Variants in AMBN observed in about 807,000 individuals in gnomAD.
AMBN encodes ameloblastin.
A neutral mutation model predicts 48.0 loss-of-function variants in AMBN; 54 were observed. The observed-to-expected ratio is 1.12, with a 90% CI of 0.90 to 1.41. AMBN has a LOEUF of 1.41. Among genes scored for constraint, AMBN ranks in the 40% most tolerant of loss-of-function variants. The pLI is 0.00. For missense variants in AMBN, 571 were observed against 547.3 expected (o/e 1.04, Z -0.43); for synonymous variants, 186 against 190.0 (o/e 0.98, Z 0.17).
intron 4 of AMBN, among the ~76,000 whole-genome samples, 180 bp from the exon 5 acceptor site, chr4:70,599,356 G>A (rs565182189): frequency 2.0e-5 from 3 of 151,856 alleles, no homozygotes; most frequent in East Asian, 1.9e-4. Context: ...CATGAGAATC[G>A]CTTGAACCCG....
chr4:70,606,092 T>C, intron 12 of AMBN, 93 bp from the exon 13 acceptor site: 1 of 1,437,306 alleles, frequency 7.0e-7, no homozygotes, highest in Non-Finnish European at 9.4e-7. Flanking sequence ...ACCAGTTTTT[T>C]AGAGATCCTT....
intron 6 of AMBN, chr4:70,602,053 T>C: frequency 2.5e-6 from 1 of 408,160 alleles, no homozygotes; most frequent in South Asian, 1.8e-5. Flanking sequence ...ATTATCTCTC[T>C]GACAAAGAGG....
chr4:70,606,726 C>A lies in AMBN; in HGVS notation c.1340C>A (p.Pro447His). The change falls in exon 13 of 13, where the codon CCC (proline) becomes CAC (histidine). Residue 447 changes from proline to histidine, a missense_variant. Coordinates refer to ENST00000322937, the MANE Select transcript of AMBN (RefSeq NM_016519.6). ...MMHDAWHFQE[P>H] ...CATGACGCATGGCATTTCCAAGAGC[C>A]CTGACAGCTCTAAGATATTAGCTAC... 1 of 1,609,550 alleles carries A rather than the reference C, an allele frequency of 6.2e-7. No individual in the cohort carries two copies. The highest frequency in any genetic ancestry group is 8.5e-7 in the Non-Finnish European group (1 of 1,177,824).
In AMBN at chr4:70,606,365, C is replaced by G. The variant is rs1470897179; in HGVS notation, c.979C>G (p.Pro327Ala). ...CGAAGAAGGAGGTGCACAAGGCTCCCCTATGCCGGAGGCCAACCCAGACAA... is the reference window on the plus strand; with the variant it reads ...CGAAGAAGGAGGTGCACAAGGCTCCGCTATGCCGGAGGCCAACCCAGACAA... ...ENEEGGAQGS[P>A]MPEANPDNLE... Residue 327 changes from proline (P) to alanine (A), a missense_variant, in exon 13 of 13, where the codon CCT becomes GCT. Coordinates refer to ENST00000322937, the MANE Select transcript of AMBN (RefSeq NM_016519.6). 1.2e-6 allele frequency: 2 copies of G among 1,614,034 alleles called. No homozygotes were observed. The highest frequency in any genetic ancestry group is 3.3e-4 in the Middle Eastern group (2 of 6,062).
intron 6 of AMBN, chr4:70,602,024 A>G (rs963446348): frequency 2.3e-6 from 1 of 439,344 alleles, no homozygotes; most frequent in Admixed American, 2.8e-5. Context: ...CCTCAGCATA[A>G]CAAGTAGGAT....
intron 2 of AMBN, among the ~76,000 whole-genome samples, chr4:70,595,579 G>A (rs1461257870): frequency 6.6e-6 from 1 of 151,910 alleles, no homozygotes; most frequent in East Asian, 1.9e-4. Context: ...GGTGGTGGGT[G>A]GAAAAAGTAG....
intron 7 of AMBN, 64 bp from the exon 8 acceptor site, chr4:70,602,734 T>G (rs1737550929): frequency 6.7e-7 from 1 of 1,481,836 alleles, no homozygotes; most frequent in East Asian, 2.4e-5. Context: ...TTTTTTATTT[T>G]TATTTGTATT....
intron 5 of AMBN, among the ~76,000 whole-genome samples, chr4:70,599,912 C>T (rs184092253): frequency 6.7e-4 from 102 of 152,282 alleles, no homozygotes; most frequent in Admixed American, 2.7e-3. Flanking sequence ...AAACAATCCT[C>T]GAAAATCAAA....
chr4:70,604,449 T>C (rs79024248), intron 12 of AMBN, among the ~76,000 whole-genome samples: 3 of 152,194 alleles, frequency 2.0e-5, no homozygotes, highest in African/African-American at 7.2e-5. Context: ...AGTTTAAGAT[T>C]TGAGATCAAT....
chr4:70,592,280 C>T lies in AMBN; in HGVS notation c.-79C>T. 1 of 1,444,320 alleles carries T rather than the reference C, an allele frequency of 6.9e-7. No homozygotes were observed. Among genetic ancestry groups the T allele is most frequent in the Non-Finnish European group, 9.7e-7 (1 of 1,028,332 alleles). The allele number at this position is 1,444,320 out of a possible 1,614,324, so 89.5% of individuals were successfully genotyped here. ...TGAGAAGTACAGAGCAAGTCCCACG[C>T]ACAGTCCTGAAAAAAATTTTAATCT... On this transcript the variant is annotated 5_prime_UTR_variant, in exon 1 of 13. Coordinates refer to ENST00000322937, the MANE Select transcript of AMBN (RefSeq NM_016519.6).
intron 8 of AMBN, 32 bp downstream of exon 8, chr4:70,602,868 T>C: frequency 6.6e-7 from 1 of 1,509,758 alleles, no homozygotes; most frequent in Non-Finnish European, 8.9e-7. Flanking sequence ...ACACTTCTAT[T>C]TTTTATTTTT....
In AMBN at chr4:70,603,263, T is replaced by C; in HGVS notation, c.652T>C (p.Phe218Leu). 6.2e-7 allele frequency: 1 copy of C among 1,613,396 alleles called. No individual in the cohort carries two copies. The highest frequency in any genetic ancestry group is 8.5e-7 in the Non-Finnish European group (1 of 1,179,594). The change falls in exon 10 of 13, where the codon TTC becomes CTC. Residue 218 changes from phenylalanine to leucine, a missense_variant. Transcript: ENST00000322937. ...DFADPQGSTIFQIARLISHGP... is the reference protein window; with the variant it reads ...DFADPQGSTILQIARLISHGP... ...TTCTGTTTTCTACCATTTAAAGATT[T>C]TCCAAATAGCCCGTTTGATTTCTCA...
At chr4:70,592,579 G>GT (rs33910648) in intron 1 of AMBN, among the ~76,000 whole-genome samples, 2 of 151,004 alleles carry the variant, frequency 1.3e-5, no homozygotes, top group East Asian at 1.9e-4. Context: ...TATAGATTGT[G>GT]TTTTTTTTAA....
At chr4:70,603,383 T>C (rs1246972144) in intron 10 of AMBN, 33 bp from the exon 11 acceptor site, 1 of 1,613,222 alleles carries the variant, frequency 6.2e-7, no homozygotes, top group Non-Finnish European at 8.5e-7. Flanking sequence ...CATTGGAAAA[T>C]GCATTTTGTG....
Position 70,601,405 on chromosome 4 carries a change from A to T in AMBN, c.295-13A>T. 1 of 1,612,564 alleles carries T rather than the reference A, an allele frequency of 6.2e-7. No individual in the cohort carries two copies. Among genetic ancestry groups the T allele is most frequent in the South Asian group, 1.1e-5 (1 of 91,004 alleles). On this transcript the variant is annotated splice_polypyrimidine_tract_variant and intron_variant, in intron 5 of 12. Transcript: ENST00000322937. ...CCATCCCTTCCTAACACTCTTTTCAAATTTCTCTGCAGTATGAATATTCTT... is the reference window on the plus strand; with the variant it reads ...CCATCCCTTCCTAACACTCTTTTCATATTTCTCTGCAGTATGAATATTCTT...
At chr4:70,593,435 G>C in intron 2 of AMBN, 40 bp downstream of exon 2, 1 of 1,537,856 alleles carries the variant, frequency 6.5e-7, no homozygotes, top group African/African-American at 1.4e-5. Flanking sequence ...AAAGGTTATT[G>C]ATTGTCGAAC....
chr4:70,592,905 T>G (rs1287358865), intron 1 of AMBN, among the ~76,000 whole-genome samples: 1 of 152,160 alleles, frequency 6.6e-6, no homozygotes, highest in Non-Finnish European at 1.5e-5. Flanking sequence ...CTTAGTTGCA[T>G]TACATTTCAC....
In AMBN at chr4:70,592,302, A is replaced by G. The variant is rs372347148; in HGVS notation, c.-57A>G. The G allele has an allele frequency of 1.6e-5, 26 of 1,605,236 alleles. 1 individual carries two copies. The African/African-American group carries it at 1.9e-4, about 12-fold the overall frequency. On this transcript the variant is annotated 5_prime_UTR_variant, in exon 1 of 13. Transcript: ENST00000322937. ...ACGCACAGTCCTGAAAAAAATTTTA[A>G]TCTTCTTTTCTTAGAACTATCTTGG...
intron 4 of AMBN, among the ~76,000 whole-genome samples, chr4:70,598,672 C>T (rs1340593950): frequency 2.0e-5 from 2 of 100,566 alleles, no homozygotes; most frequent in African/African-American, 1.1e-4. Flanking sequence ...AAAGCTAAAT[C>T]TCAAACAATT....
Sources: gnomAD v4.1 joint callset for allele counts (sites outside exome capture counted in the v4.1 genomes callset) on GRCh38, gnomAD v4.1.1 for gene constraint, MANE v1.5 for transcripts, NCBI Gene and HGNC (gene_info 2026-07-23, HGNC 2026-07-21) for gene names.